CNTNAP4: variants seen among roughly 807,000 people sequenced by gnomAD.
The protein encoded by CNTNAP4 is contactin-associated protein-like 4.
A neutral mutation model predicts 148.4 loss-of-function variants in CNTNAP4; 98 were observed. The ratio of observed to expected loss-of-function variants is 0.66; its 90% CI spans 0.56 to 0.78. CNTNAP4 has a LOEUF of 0.78. Among genes scored for constraint, CNTNAP4 ranks in the 30% least tolerant of loss-of-function variants. The pLI, the probability that CNTNAP4 is intolerant of heterozygous loss-of-function variation, is 0.00. For synonymous variants in CNTNAP4, 730 were observed against 565.1 expected, an observed-to-expected ratio of 1.29 and a Z score of -4.14; for missense variants, 1,935 against 1,565.6, an observed-to-expected ratio of 1.24 and a Z score of -3.98.
At chr16:76,400,920 A>G (rs2089373) in intron 3 of CNTNAP4, among the ~76,000 whole-genome samples, 71,616 of 151,914 alleles carry the variant, frequency 0.47, 17,168 homozygotes, top group Middle Eastern at 0.54. Context: ...TACCATTACC[A>G]TGGTGTTTTG....
rs761282210 is a variant in CNTNAP4, at chr16:76,491,767, ATTCTGTTTAG to A, written c.2080+1886_2080+1895del. On this transcript the variant is annotated intron_variant, in intron 13 of 23. Transcript: ENST00000611870. ...GTATATGTCTTTCAGTGTTCGGCTT[ATTCTGTTTAG>A]TATAATGCCCTTCATGTTCATCCAT... is the stretch of plus-strand genomic sequence containing the variant. 1.3e-3 allele frequency among the ~76,000 whole-genome samples: 203 copies of A among 152,332 alleles called. 1 individual carries two copies. The highest frequency in any genetic ancestry group is 1.8e-3 in the Non-Finnish European group (125 of 68,030).
rs536182967 is a variant in CNTNAP4 at position 76,538,447 on chromosome 16, G to T, written c.3220+107G>T. ...CTTCTCAAGCTACAAACAGAAAAAT[G>T]GAGTGTGCCTGTTTTTTGTAGTCAT... On this transcript the variant is annotated intron_variant, in intron 19 of 23. Coordinates refer to ENST00000611870, the MANE Select transcript of CNTNAP4 (RefSeq NM_033401.5). The T allele has an allele frequency of 3.0e-5, 24 of 799,116 alleles. No homozygotes were observed. In the African/African-American group the frequency reaches 3.7e-4, roughly 12 times the overall value. 49.5% of individuals were successfully genotyped at this position (799,116 alleles called of 1,614,324 possible).
chr16:76,462,163 G>C lies in CNTNAP4; in HGVS notation c.1483+58G>C. On this transcript the variant is annotated intron_variant, in intron 9 of 23. Transcript: ENST00000611870. ...GAACCATATTTGCATTAGTGCCCCCGTGTCTTGGCGAAGTCATCATGTTTT... is the reference window on the plus strand; with the variant it reads ...GAACCATATTTGCATTAGTGCCCCCCTGTCTTGGCGAAGTCATCATGTTTT... 3 of 1,439,900 alleles carry C rather than the reference G, an allele frequency of 2.1e-6. No homozygotes were observed. The South Asian group carries it at 3.8e-5, about 18-fold the overall frequency. 89.2% of individuals were successfully genotyped at this position (1,439,900 alleles called of 1,614,324 possible).
intron 21 of CNTNAP4, among the ~76,000 whole-genome samples, chr16:76,546,411 A>C (rs1033753530): frequency 4.6e-5 from 7 of 152,128 alleles, no homozygotes; most frequent in Non-Finnish European, 1.0e-4. Flanking sequence ...CAGATCAGCC[A>C]CAGCATTAGA....
At chr16:76,367,466 A>G (rs1456356959) in intron 3 of CNTNAP4, among the ~76,000 whole-genome samples, 2 of 152,204 alleles carry the variant, frequency 1.3e-5, no homozygotes, top group Non-Finnish European at 2.9e-5. Flanking sequence ...CATATATAAC[A>G]TAAAAGAAAG....
intron 15 of CNTNAP4, among the ~76,000 whole-genome samples, chr16:76,512,008 A>G (rs1458073495): frequency 6.6e-6 from 1 of 152,128 alleles, no homozygotes; most frequent in African/African-American, 2.4e-5. Flanking sequence ...ATTTGAAGAA[A>G]ACAGGAATGC....
intron 4 of CNTNAP4, 76 bp from the exon 5 acceptor site, chr16:76,447,936 A>C (rs2080310382): frequency 9.4e-7 from 1 of 1,062,858 alleles, no homozygotes; most frequent in Non-Finnish European, 1.4e-6. Context: ...CCTTTTCTCA[A>C]TATATAATGC....
At chr16:76,388,100 C>T (rs2016665104) in intron 3 of CNTNAP4, among the ~76,000 whole-genome samples, 1 of 152,162 alleles carries the variant, frequency 6.6e-6, no homozygotes, top group Non-Finnish European at 1.5e-5. Context: ...ATGAAAATCA[C>T]CCTTAAGTGT....
At chr16:76,283,836 G>A (rs927396672) in intron 1 of CNTNAP4, among the ~76,000 whole-genome samples, 4 of 151,968 alleles carry the variant, frequency 2.6e-5, no homozygotes, top group Admixed American at 2.0e-4. Context: ...AACAAAAGAA[G>A]TCCTTCACTA....
intron 10 of CNTNAP4, among the ~76,000 whole-genome samples, chr16:76,468,722 G>C (rs1328014055): frequency 6.6e-6 from 1 of 151,980 alleles, no homozygotes; most frequent in African/African-American, 2.4e-5. Context: ...GCCTCCCAAA[G>C]TGCTGGAATT....
At chr16:76,443,661 T>C (rs1232355886) in intron 4 of CNTNAP4, among the ~76,000 whole-genome samples, 1 of 152,208 alleles carries the variant, frequency 6.6e-6, no homozygotes, top group African/African-American at 2.4e-5. Context: ...AATTTAAATA[T>C]TAATTTTATT....
At chr16:76,357,829 TC>T (rs1331703935) in intron 3 of CNTNAP4, among the ~76,000 whole-genome samples, 1 of 152,226 alleles carries the variant, frequency 6.6e-6, no homozygotes, top group African/African-American at 2.4e-5. Flanking sequence ...GGCACATTTT[TC>T]TTTTCCCTAT....
intron 3 of CNTNAP4, among the ~76,000 whole-genome samples, chr16:76,365,856 G>A (rs1053463040): frequency 2.0e-5 from 3 of 150,150 alleles, no homozygotes; most frequent in Non-Finnish European, 3.0e-5. Flanking sequence ...AAATTCTTAA[G>A]TTCTCTTCCT....
chr16:76,556,859 A>T (rs2085219194), intron 23 of CNTNAP4, among the ~76,000 whole-genome samples: 2 of 152,172 alleles, frequency 1.3e-5, no homozygotes, highest in South Asian at 4.1e-4. Context: ...GGTAAGGCTG[A>T]CCTAGCCAAA....
intron 2 of CNTNAP4, among the ~76,000 whole-genome samples, chr16:76,335,305 C>A (rs1597232523): frequency 6.6e-6 from 1 of 152,088 alleles, no homozygotes; most frequent in African/African-American, 2.4e-5. Flanking sequence ...GAAATAGACA[C>A]AATATCTCTG....
intron 1 of CNTNAP4, among the ~76,000 whole-genome samples, chr16:76,310,921 A>T (rs1053464748): frequency 6.6e-6 from 1 of 152,048 alleles, no homozygotes; most frequent in African/African-American, 2.4e-5. Context: ...CCTATTAGTC[A>T]TGGGTCCTTA....
chr16:76,448,151 G>A lies in CNTNAP4; in HGVS notation c.678G>A (p.Gly226=). ...ATGGGATTCTACTCCACAGGGAAGGGCCAAATGGAGATCACATCACACTGC... is the reference window on the plus strand; with the variant it reads ...ATGGGATTCTACTCCACAGGGAAGGACCAAATGGAGATCACATCACACTGC... ...QSDGILLHRE[G]PNGDHITLQL... Residue 226 remains glycine, a synonymous_variant, in exon 5 of 24, where the codon GGG becomes GGA. Coordinates refer to ENST00000611870, the MANE Select transcript of CNTNAP4 (RefSeq NM_033401.5). 1 of 1,613,458 alleles carries A rather than the reference G, an allele frequency of 6.2e-7. No individual in the cohort carries two copies. Among genetic ancestry groups the A allele is most frequent in the Non-Finnish European group, 8.5e-7 (1 of 1,179,498 alleles).
chr16:76,473,865 TGTTTTG>T (rs1568318026), intron 10 of CNTNAP4, among the ~76,000 whole-genome samples: 424 of 25,348 alleles, frequency 0.017, 4 homozygotes, highest in African/African-American at 0.019. Flanking sequence ...TGTTTTGTTT[TGTTTTG>T]TTTTTTAATC....
rs1331674842 is a variant in CNTNAP4 at position 76,405,535 on chromosome 16, A to T, written c.391-21917A>T. 2.0e-5 allele frequency among the ~76,000 whole-genome samples: 3 copies of T among 152,296 alleles called. No individual in the cohort carries two copies. In the East Asian group the frequency reaches 5.8e-4, roughly 29 times the overall value. ...AGTTATATACTGTATTCTTACAACA[A>T]AGCAAGCTAGAGAAAAGAAAACTGT... On this transcript the variant is annotated intron_variant, in intron 3 of 23. Transcript: ENST00000611870.
Sources: allele counts gnomAD v4.1 joint callset (sites outside exome capture counted in the v4.1 genomes callset), GRCh38; gene constraint gnomAD v4.1.1; transcripts MANE v1.5; gene names NCBI Gene and HGNC (gene_info 2026-07-23, HGNC 2026-07-21).